Variants in ACVR1C observed in about 807,000 individuals in gnomAD.
ACVR1C encodes the protein activin A receptor type 1C, also known as activin receptor type-1C.
In ACVR1C, 23 loss-of-function variants were observed where a neutral mutation model predicts 57.9. The ratio of observed to expected loss-of-function variants is 0.40; its 90% CI spans 0.29 to 0.56. ACVR1C has a LOEUF of 0.56. ACVR1C is among the 20% of genes least tolerant of loss of function. The probability of loss-of-function intolerance (pLI) is 0.50; values close to 1 mark genes in which losing one functional copy is unlikely to be tolerated. For synonymous variants in ACVR1C, 214 were observed against 215.3 expected (o/e 0.99, Z 0.05); for missense variants, 480 against 607.9 (o/e 0.79, Z 2.21).
chr2:157,544,409 T>C (rs1314042542), intron 5 of ACVR1C, 36 bp downstream of exon 5: 1 of 1,573,462 alleles, frequency 6.4e-7, no homozygotes, highest in Admixed American at 1.9e-5. Context: ...TATCCTCATA[T>C]TCAAAGTGGA....
intron 1 of ACVR1C, among the ~76,000 whole-genome samples, chr2:157,607,447 C>T (rs1410370788): frequency 2.0e-5 from 3 of 151,366 alleles, no homozygotes; most frequent in African/African-American, 7.3e-5. Flanking sequence ...TTTTGGTTAT[C>T]TGGGCTCTTT....
Position 157,554,281 on chromosome 2 carries a change from A to G in ACVR1C, c.544+1812T>C, listed in dbSNP as rs185031857. On this transcript the variant is annotated intron_variant, in intron 3 of 8. Transcript: ENST00000243349. The stretch of plus-strand genomic sequence containing the variant: ...AAAGAAAGAAAGAAAGGAAGGAAGG[A>G]AGAGAGAGAGAGAGAGAAAGAAAGA... 5.1e-3 allele frequency among the ~76,000 whole-genome samples: 621 copies of G among 122,374 alleles called. 11 individuals carry two copies. Among genetic ancestry groups the G allele is most frequent in the East Asian group, 0.038 (162 of 4,274 alleles). The allele number at this position is 122,374 out of a possible 152,430, so 80.3% of individuals were successfully genotyped here.
At position 157,554,275 on chromosome 2, in the gene ACVR1C, GGAAGGA is replaced by G. The variant is rs1234984767; in HGVS notation, c.544+1812_544+1817del. 2.5e-4 allele frequency among the ~76,000 whole-genome samples: 31 copies of G among 123,410 alleles called. 1 individual carries two copies. The highest frequency in any genetic ancestry group is 1.1e-3 in the African/African-American group (30 of 27,158). 81.0% of individuals were successfully genotyped at this position (123,410 alleles called of 152,430 possible). Reference sequence around the variant, plus strand: ...AGAAAGAAAGAAAGAAAGAAAGGAAGGAAGGAAGAGAGAGAGAGAGAGAAAGAAAGA... The same window carrying G: ...AGAAAGAAAGAAAGAAAGAAAGGAAGAGAGAGAGAGAGAGAGAAAGAAAGA... On this transcript the variant is annotated intron_variant, in intron 3 of 8. Coordinates refer to ENST00000243349, the MANE Select transcript of ACVR1C (RefSeq NM_145259.3).
At chr2:157,597,470 G>C (rs1191543579) in intron 1 of ACVR1C, 9 of 985,352 alleles carry the variant, frequency 9.1e-6, no homozygotes, top group Non-Finnish European at 1.1e-5. Context: ...TCGCCGGGAT[G>C]CCCCAGCTTT....
In ACVR1C at chr2:157,527,952, T is replaced by C. The variant is rs1687266733; in HGVS notation, c.*5966A>G. ...GCTGCAGATTGTCTGGGTTGAAAAA[T>C]TAAACCAACATGATAAACAATCAAT... On this transcript the variant is annotated 3_prime_UTR_variant, in exon 9 of 9. Coordinates refer to ENST00000243349, the MANE Select transcript of ACVR1C (RefSeq NM_145259.3). 1 of 152,080 alleles carries C rather than the reference T, an allele frequency of 6.6e-6. No individual in the cohort carries two copies. Among genetic ancestry groups the C allele is most frequent in the African/African-American group, 2.4e-5 (1 of 41,404 alleles). The allele number at this position is 152,080 out of a possible 1,614,324, so 9.4% of individuals were successfully genotyped here.
intron 2 of ACVR1C, among the ~76,000 whole-genome samples, chr2:157,573,163 T>C (rs1688563330): frequency 6.6e-6 from 1 of 152,226 alleles, no homozygotes; most frequent in Non-Finnish European, 1.5e-5. Context: ...ATTTTAATGT[T>C]TTGGCAGTTT....
Position 157,533,786 on chromosome 2 carries a change from C to G in ACVR1C, c.*132G>C. The G allele has an allele frequency of 1.2e-6, 1 of 814,668 alleles. No individual in the cohort carries two copies. Among genetic ancestry groups the G allele is most frequent in the Non-Finnish European group, 1.7e-6 (1 of 587,880 alleles). The allele number at this position is 814,668 out of a possible 1,614,324, so 50.5% of individuals were successfully genotyped here. A position where few individuals can be genotyped will look rare whatever the true frequency, so the allele number is the denominator to read the frequency against. ...CTTTAGAGTTATCTTTTCATGCTGC[C>G]TTATGGGCACTTAAATACTGTACTG... is the stretch of plus-strand genomic sequence containing the variant. On this transcript the variant is annotated 3_prime_UTR_variant, in exon 9 of 9. Transcript: ENST00000243349.
chr2:157,553,966 T>C (rs1323595337), intron 3 of ACVR1C, among the ~76,000 whole-genome samples: 2 of 151,772 alleles, frequency 1.3e-5, no homozygotes, highest in African/African-American at 2.4e-5. Context: ...GCAGATCACT[T>C]GAGTTCAGGA....
At chr2:157,565,364 CTT>C (rs1213499342) in intron 2 of ACVR1C, among the ~76,000 whole-genome samples, 2 of 152,138 alleles carry the variant, frequency 1.3e-5, no homozygotes, top group Non-Finnish European at 2.9e-5. Context: ...CTCTCCCATC[CTT>C]GACTCCCTTC....
intron 5 of ACVR1C, 26 bp from the exon 6 acceptor site, chr2:157,542,888 A>T (rs759443736): frequency 3.1e-6 from 5 of 1,608,636 alleles, no homozygotes; most frequent in Non-Finnish European, 4.2e-6. Context: ...GAACATATTC[A>T]TTTTTTTCTT....
intron 1 of ACVR1C, among the ~76,000 whole-genome samples, chr2:157,613,613 C>T (rs781762435): frequency 2.6e-5 from 4 of 152,112 alleles, no homozygotes; most frequent in Non-Finnish European, 5.9e-5. Flanking sequence ...TTAAATGCAT[C>T]TGTTGATATT....
chr2:157,549,091 C>G (rs972047199), intron 4 of ACVR1C, among the ~76,000 whole-genome samples: 3 of 152,150 alleles, frequency 2.0e-5, no homozygotes, highest in Non-Finnish European at 4.4e-5. Flanking sequence ...CGGGGTGGCT[C>G]AAGCCTGTAA....
intron 1 of ACVR1C, among the ~76,000 whole-genome samples, chr2:157,625,614 G>A (rs1339376808): frequency 7.0e-6 from 1 of 142,972 alleles, no homozygotes; most frequent in African/African-American, 2.6e-5. Flanking sequence ...GCAGAGGGGT[G>A]CAGGGGGGTG....
At chr2:157,551,541 A>G (rs948606449) in intron 3 of ACVR1C, among the ~76,000 whole-genome samples, 3 of 152,242 alleles carry the variant, frequency 2.0e-5, no homozygotes, top group African/African-American at 7.2e-5. Flanking sequence ...CACAGAAAAT[A>G]AGACTCAAAA....
intron 1 of ACVR1C, among the ~76,000 whole-genome samples, chr2:157,615,795 T>A (rs996219948): frequency 3.9e-5 from 6 of 152,168 alleles, no homozygotes; most frequent in Admixed American, 2.6e-4. Context: ...TGTAAAAAAA[T>A]TAAAAATTAA....
chr2:157,604,392 T>G (rs2105142724), intron 1 of ACVR1C, among the ~76,000 whole-genome samples: 1 of 152,132 alleles, frequency 6.6e-6, no homozygotes, highest in East Asian at 1.9e-4. Flanking sequence ...GCATTTGGTT[T>G]AAGGTATTTG....
chr2:157,589,711 T>C (rs1277950519), intron 1 of ACVR1C, among the ~76,000 whole-genome samples: 2 of 151,944 alleles, frequency 1.3e-5, no homozygotes, highest in Non-Finnish European at 2.9e-5. Context: ...AGAATCTGAA[T>C]AGCCAAAGTA....
chr2:157,597,535 G>C, intron 1 of ACVR1C: 1 of 985,418 alleles, frequency 1.0e-6, no homozygotes, highest in Non-Finnish European at 1.2e-6. Flanking sequence ...CGCGGGGCTC[G>C]GCCACCTGCC....
At position 157,529,360 on chromosome 2, in the gene ACVR1C, A is replaced by G. The variant is rs1231257347; in HGVS notation, c.*4558T>C. On this transcript the variant is annotated 3_prime_UTR_variant, in exon 9 of 9. Coordinates refer to ENST00000243349, the MANE Select transcript of ACVR1C (RefSeq NM_145259.3). ...TAGCCTAGTTTAGTTTTTCTCATTG[A>G]CCTCACTCTGAGTGAGTAAATTATT... 2 of 152,134 alleles carry G rather than the reference A, an allele frequency of 1.3e-5. No individual in the cohort carries two copies. The allele number at this position is 152,134 out of a possible 1,614,324, so 9.4% of individuals were successfully genotyped here.
Sources: allele counts gnomAD v4.1 joint callset (sites outside exome capture counted in the v4.1 genomes callset), GRCh38; gene constraint gnomAD v4.1.1; transcripts MANE v1.5; gene names NCBI Gene and HGNC (gene_info 2026-07-23, HGNC 2026-07-21).